The following DACH1 variants were observed in gnomAD, a reference collection of about 807,000 sequenced individuals.
DACH1 encodes the protein dachshund family transcription factor 1.
Under a neutral mutation model 54.2 loss-of-function variants are expected in DACH1, and 12 were observed. The ratio of observed to expected loss-of-function variants is 0.22; its 90% CI spans 0.14 to 0.36. DACH1 has a LOEUF of 0.36. Ranked by LOEUF, DACH1 falls within the 10% of genes least tolerant of loss-of-function variation. DACH1 has a pLI of 1.00. For synonymous variants in DACH1, 386 were observed against 366.2 expected (o/e 1.05, Z -0.62); for missense variants, 805 against 929.8 (o/e 0.87, Z 1.75).
intron 1 of DACH1, among the ~76,000 whole-genome samples, chr13:71,745,214 C>A (rs1449983058): frequency 1.3e-5 from 2 of 152,124 alleles, no homozygotes; most frequent in East Asian, 3.9e-4. Flanking sequence ...TTAAAGAACT[C>A]ATCTGTCCCC....
chr13:71,546,326 CT>C (rs1267941550), intron 6 of DACH1, among the ~76,000 whole-genome samples: 1 of 151,766 alleles, frequency 6.6e-6, no homozygotes, highest in Non-Finnish European at 1.5e-5. Flanking sequence ...TAATTTATGG[CT>C]TTTTTAAAGT....
chr13:71,865,828 G>C, intron 1 of DACH1, 94 bp downstream of exon 1: 1 of 1,333,530 alleles, frequency 7.5e-7, no homozygotes, highest in Non-Finnish European at 9.6e-7. Context: ...GCTCGCGGGC[G>C]CGCAGAGCGA....
chr13:71,705,621 T>C (rs1000542552), intron 1 of DACH1, among the ~76,000 whole-genome samples: 5 of 152,216 alleles, frequency 3.3e-5, no homozygotes, highest in African/African-American at 1.2e-4. Context: ...TATAGGCAGA[T>C]AGGCAATTTG....
intron 6 of DACH1, 61 bp from the exon 7 acceptor site, chr13:71,489,209 C>A: frequency 6.5e-7 from 1 of 1,543,330 alleles, no homozygotes; most frequent in Non-Finnish European, 8.8e-7. Context: ...TATTAGACCT[C>A]AGTAATGGCT....
intron 1 of DACH1, among the ~76,000 whole-genome samples, chr13:71,770,934 A>G (rs1384314059): frequency 6.6e-6 from 1 of 151,554 alleles, no homozygotes; most frequent in Admixed American, 6.6e-5. Context: ...ACTTCCCTGT[A>G]CTAGGACTTA....
chr13:71,553,861 A>C (rs1884065188), intron 6 of DACH1, among the ~76,000 whole-genome samples: 1 of 151,766 alleles, frequency 6.6e-6, no homozygotes, highest in Non-Finnish European at 1.5e-5. Flanking sequence ...AAAATGTTTA[A>C]GTTACTGATG....
At chr13:71,537,226 T>G (rs141152774) in intron 6 of DACH1, among the ~76,000 whole-genome samples, 2 of 152,034 alleles carry the variant, frequency 1.3e-5, no homozygotes, top group Non-Finnish European at 2.9e-5. Context: ...CCAGCTCCAC[T>G]GCACCAGAAC....
intron 1 of DACH1, among the ~76,000 whole-genome samples, chr13:71,852,420 A>G (rs948624713): frequency 1.5e-3 from 225 of 152,242 alleles, no homozygotes; most frequent in African/African-American, 5.1e-3. Flanking sequence ...TCCAACTACA[A>G]GAAGATAGGC....
chr13:71,614,850 T>C (rs1289475730), intron 3 of DACH1, among the ~76,000 whole-genome samples: 36 of 102,808 alleles, frequency 3.5e-4, no homozygotes, highest in Admixed American at 1.4e-3. Flanking sequence ...TAAAACTCTA[T>C]CTCAAAAAAA....
At chr13:71,754,566 C>T (rs945424682) in intron 1 of DACH1, among the ~76,000 whole-genome samples, 11 of 152,140 alleles carry the variant, frequency 7.2e-5, no homozygotes, top group African/African-American at 2.4e-4. Flanking sequence ...TGGCTTAGCC[C>T]GTTGACCCAA....
intron 2 of DACH1, among the ~76,000 whole-genome samples, chr13:71,648,737 C>A (rs1000422351): frequency 6.6e-6 from 1 of 151,998 alleles, no homozygotes; most frequent in African/African-American, 2.4e-5. Context: ...TTGCTTAGGT[C>A]TCATAGAATT....
intron 3 of DACH1, among the ~76,000 whole-genome samples, chr13:71,598,256 T>G (rs1304441921): frequency 6.6e-6 from 1 of 152,050 alleles, no homozygotes; most frequent in Admixed American, 6.6e-5. Flanking sequence ...ATTTAAAATT[T>G]ATTGATGCTT....
At chr13:71,599,518 G>A (rs1874344567) in intron 3 of DACH1, among the ~76,000 whole-genome samples, 1 of 152,084 alleles carries the variant, frequency 6.6e-6, no homozygotes, top group Admixed American at 6.6e-5. Context: ...TTTTAAGAGA[G>A]ACACTCAAAG....
intron 1 of DACH1, among the ~76,000 whole-genome samples, chr13:71,838,967 T>C (rs962635411): frequency 2.1e-4 from 32 of 152,206 alleles, no homozygotes; most frequent in African/African-American, 7.7e-4. Context: ...CGGTACAGAA[T>C]GTTCCCATCT....
intron 2 of DACH1, among the ~76,000 whole-genome samples, chr13:71,653,934 G>C (rs1233076564): frequency 6.6e-6 from 1 of 152,050 alleles, no homozygotes; most frequent in Non-Finnish European, 1.5e-5. Flanking sequence ...AGAAAGAATA[G>C]AACCACTATT....
At chr13:71,726,420 ATTGT>A (rs1180834633) in intron 1 of DACH1, among the ~76,000 whole-genome samples, 1 of 152,130 alleles carries the variant, frequency 6.6e-6, no homozygotes, top group Non-Finnish European at 1.5e-5. Context: ...GTAAGAAATA[ATTGT>A]TTGGATATCT....
chr13:71,667,232 T>C (rs1231687768), intron 2 of DACH1, among the ~76,000 whole-genome samples: 1 of 152,134 alleles, frequency 6.6e-6, no homozygotes, highest in East Asian at 1.9e-4. Flanking sequence ...TGGTAGTCCA[T>C]GACATATGTG....
At chr13:71,809,239 C>G (rs1594247194) in intron 1 of DACH1, among the ~76,000 whole-genome samples, 1 of 152,228 alleles carries the variant, frequency 6.6e-6, no homozygotes, top group East Asian at 1.9e-4. Context: ...GGCTGGAGTG[C>G]AGTGGCATGA....
intron 10 of DACH1, among the ~76,000 whole-genome samples, chr13:71,466,426 T>G (rs937444999): frequency 2.0e-5 from 3 of 152,190 alleles, no homozygotes; most frequent in Admixed American, 1.3e-4. Flanking sequence ...AGTTGCACGA[T>G]GTCTACTTCC....
Sources: allele counts gnomAD v4.1 joint callset (sites outside exome capture counted in the v4.1 genomes callset), GRCh38; gene constraint gnomAD v4.1.1; transcripts MANE v1.5; gene names NCBI Gene and HGNC (gene_info 2026-07-23, HGNC 2026-07-21).